Variants in SH2B1 observed in about 807,000 individuals in gnomAD.
The protein encoded by SH2B1 is SH2B adapter protein 1.
Under a neutral mutation model 62.6 loss-of-function variants are expected in SH2B1, and 15 were observed. That is an observed-to-expected ratio of 0.24 (90% CI 0.16 to 0.37). The LOEUF (loss-of-function observed/expected upper bound fraction) is 0.37. Ranked by LOEUF, SH2B1 falls within the 10% of genes least tolerant of loss-of-function variation. The pLI, the probability that SH2B1 is intolerant of heterozygous loss-of-function variation, is 1.00. For missense variants in SH2B1, 925 were observed against 1,015.6 expected (o/e 0.91, Z 1.21); for synonymous variants, 443 against 438.0 (o/e 1.01, Z -0.14).
rs1567458745 is a variant in SH2B1, at chr16:28,852,533, C to CATATTTATATATATACACAT, written c.-301+5710_-301+5711insTTATATATATACACATATAT. ...ATACACATATATTTATATATATACA[C>CATATTTATATATATACACAT]ATATATTTATATATATACACATATT... On this transcript the variant is annotated intron_variant, in intron 1 of 10. Coordinates refer to the SH2B1 transcript ENST00000322610. Among the ~76,000 whole-genome samples, 10 of 13,214 alleles carry CATATTTATATATATACACAT rather than the reference C, an allele frequency of 7.6e-4. 2 individuals are homozygous for CATATTTATATATATACACAT. The highest frequency in any genetic ancestry group is 1.0e-3 in the Non-Finnish European group (10 of 9,792). The allele number at this position is 13,214 out of a possible 152,430, so 8.7% of individuals were successfully genotyped here. A position where few individuals can be genotyped will look rare whatever the true frequency, so the allele number is the denominator to read the frequency against.
chr16:28,846,876 C>T (rs1961983902), intron 1 of SH2B1: 1 of 155,210 alleles, frequency 6.4e-6, no homozygotes, highest in Non-Finnish European at 1.4e-5. Flanking sequence ...TGAAGTGTGA[C>T]CTCCCTCTTC....
chr16:28,855,156 T>C (rs996684593), intron 1 of SH2B1, among the ~76,000 whole-genome samples: 3 of 151,520 alleles, frequency 2.0e-5, no homozygotes, highest in Non-Finnish European at 4.4e-5. Flanking sequence ...GCCTTACAAG[T>C]GTGAGACACC....
chr16:28,870,041 A>C (rs1314857233), intron 4 of SH2B1, among the ~76,000 whole-genome samples: 2 of 152,200 alleles, frequency 1.3e-5, no homozygotes, highest in Non-Finnish European at 2.9e-5. Context: ...GGGAGAGGAC[A>C]CCTGAGGGTC....
intron 4 of SH2B1, 93 bp downstream of exon 4, chr16:28,869,476 G>A (rs965917997): frequency 6.8e-6 from 8 of 1,179,202 alleles, no homozygotes; most frequent in Admixed American, 2.6e-5. Flanking sequence ...ACGCCACTGT[G>A]CCCCCATCCC....
chr16:28,862,940 T>C (rs1053470618), upstream of SH2B1: 3 of 136,654 alleles, frequency 2.2e-5, no homozygotes, highest in Non-Finnish European at 4.7e-5. Flanking sequence ...TTTTTTTTTC[T>C]ATTTTTAAAA....
At chr16:28,869,489 T>C in intron 4 of SH2B1, 106 bp downstream of exon 4, 2 of 1,030,270 alleles carry the variant, frequency 1.9e-6, no homozygotes, top group Non-Finnish European at 1.4e-6. Flanking sequence ...CCCATCCCTG[T>C]TTTCCAGATG....
upstream of SH2B1, among the ~76,000 whole-genome samples, chr16:28,860,845 C>A (rs1962427463): frequency 6.6e-6 from 1 of 151,766 alleles, no homozygotes; most frequent in Non-Finnish European, 1.5e-5. Context: ...GAGATGGAGT[C>A]TCGCTCTGTT....
Position 28,865,548 on chromosome 16 carries a change from G to A in SH2B1, c.-547G>A. 4.1e-6 allele frequency: 4 copies of A among 985,660 alleles called. No homozygotes were observed. Among genetic ancestry groups the A allele is most frequent in the Non-Finnish European group, 4.8e-6 (4 of 830,026 alleles). 61.1% of individuals were successfully genotyped at this position (985,660 alleles called of 1,614,324 possible). ...GGACTATGAAGTGGGGAAAACAGTA[G>A]ACTTGGAGTTCTGAAACTTTTCTGA... On this transcript the variant is annotated 5_prime_UTR_variant, in exon 1 of 8. An upstream open reading frame in the 5' UTR loses its in-frame stop. Coordinates refer to ENST00000684370, the MANE Select transcript of SH2B1 (RefSeq NM_001387430.1).
chr16:28,847,087 C>A (rs904547673), intron 1 of SH2B1, among the ~76,000 whole-genome samples: 6 of 152,218 alleles, frequency 3.9e-5, no homozygotes, highest in African/African-American at 1.4e-4. Context: ...CGCTGCCCAC[C>A]CCTGTAGTCC....
intron 1 of SH2B1, among the ~76,000 whole-genome samples, chr16:28,855,992 G>C (rs1464921504): frequency 6.7e-6 from 1 of 148,844 alleles, no homozygotes; most frequent in Non-Finnish European, 1.5e-5. Context: ...TAAGAACAAT[G>C]CCGGCCAGGC....
In SH2B1 at chr16:28,865,461, C is replaced by CCT. The variant is rs2152173760; in HGVS notation, c.-633_-632dup. ...TAGAATCCCAGCTCCTCTCTAGCCCCCTGCGAGCTGGGGCGGTGAGGTGCT... is the reference window on the plus strand; with the variant it reads ...TAGAATCCCAGCTCCTCTCTAGCCCCCTCTGCGAGCTGGGGCGGTGAGGTGCT... On this transcript the variant is annotated 5_prime_UTR_variant, in exon 1 of 8. Coordinates refer to ENST00000684370, the MANE Select transcript of SH2B1 (RefSeq NM_001387430.1). 1.0e-6 allele frequency: 1 copy of CCT among 985,610 alleles called. No homozygotes were observed. Among genetic ancestry groups the CCT allele is most frequent in the East Asian group, 1.1e-4 (1 of 8,944 alleles). The allele number at this position is 985,610 out of a possible 1,614,324, so 61.1% of individuals were successfully genotyped here.
chr16:28,871,679 C>T, intron 4 of SH2B1, 101 bp from the exon 5 acceptor site: 9 of 930,220 alleles, frequency 9.7e-6, no homozygotes, highest in South Asian at 2.7e-5. Flanking sequence ...TCTTGGCCAG[C>T]GACTGCACAC....
At chr16:28,851,282 C>T (rs1419458751) in intron 1 of SH2B1, among the ~76,000 whole-genome samples, 1 of 151,904 alleles carries the variant, frequency 6.6e-6, no homozygotes, top group African/African-American at 2.4e-5. Context: ...CCCCTCTCCC[C>T]ACACCTACGC....
At chr16:28,848,294 T>C (rs1275996145) in intron 1 of SH2B1, among the ~76,000 whole-genome samples, 1 of 152,026 alleles carries the variant, frequency 6.6e-6, no homozygotes, top group African/African-American at 2.4e-5. Context: ...AAAAATTAGC[T>C]GGGCGTGGCA....
At chr16:28,860,425 TAG>T (rs1051893866), upstream of SH2B1, among the ~76,000 whole-genome samples, 4 of 151,832 alleles carry the variant, frequency 2.6e-5, no homozygotes, top group African/African-American at 9.7e-5. Flanking sequence ...CTAATTTTAG[TAG>T]AGACAGGGTT....
intron 1 of SH2B1, among the ~76,000 whole-genome samples, chr16:28,851,553 G>A (rs1389850346): frequency 1.5e-4 from 20 of 131,960 alleles, no homozygotes; most frequent in Admixed American, 1.1e-3. Flanking sequence ...TCCGCCTCCC[G>A]GGTTAAAGCG....
rs1400689245 is a variant in SH2B1 at position 28,871,794 on chromosome 16, C to T, written c.1324C>T (p.Leu442Phe). 1 of 1,613,958 alleles carries T rather than the reference C, an allele frequency of 6.2e-7. No individual in the cohort carries two copies. Among genetic ancestry groups the T allele is most frequent in the African/African-American group, 1.3e-5 (1 of 75,038 alleles). Reference sequence around the variant, plus strand: ...TTTTTTTCCAGGGGCATATGGGGGCCTCTCAGACCGCCCCTCGGCATCCAT... The same window carrying T: ...TTTTTTTCCAGGGGCATATGGGGGCTTCTCAGACCGCCCCTCGGCATCCAT... ...DRLSQGAYGG[L>F]SDRPSASISP... is the part of the protein sequence containing the mutation. The change falls in exon 5 of 8, where the codon CTC becomes TTC. Residue 442 changes from leucine (L) to phenylalanine (F), a missense_variant. By Grantham distance (22) the Leu-to-Phe change is conservative. This residue lies in a region of SH2B1 where 683 missense variants were observed against 704.0 expected (regional missense o/e 0.97). Transcript: ENST00000684370.
At chr16:28,847,403 TGA>T (rs1442496035) in intron 1 of SH2B1, among the ~76,000 whole-genome samples, 2 of 152,196 alleles carry the variant, frequency 1.3e-5, no homozygotes, top group African/African-American at 2.4e-5. Context: ...CATCAGATCC[TGA>T]GACTCAGTGG....
chr16:28,851,264 TCTCCC>T (rs1962093176), intron 1 of SH2B1, among the ~76,000 whole-genome samples: 1 of 151,478 alleles, frequency 6.6e-6, no homozygotes, highest in Non-Finnish European at 1.5e-5. Context: ...GCACCACTGT[TCTCCC>T]CTCCCCTCTC....
Sources: allele counts gnomAD v4.1 joint callset (sites outside exome capture counted in the v4.1 genomes callset), GRCh38; gene constraint gnomAD v4.1.1; regional missense constraint gnomAD v4.1.1; transcripts MANE v1.5; gene names NCBI Gene and HGNC (gene_info 2026-07-23, HGNC 2026-07-21).